IL1RAPL1: variants seen among roughly 807,000 people sequenced by gnomAD.
IL1RAPL1 encodes interleukin-1 receptor accessory protein-like 1.
In IL1RAPL1, 3 loss-of-function variants were observed where a neutral mutation model predicts 48.4. The ratio of observed to expected loss-of-function variants is 0.06; its 90% CI spans 0.03 to 0.16. IL1RAPL1 has a LOEUF of 0.16. Among genes scored for constraint, IL1RAPL1 ranks in the 10% least tolerant of loss-of-function variants. The pLI, the probability that IL1RAPL1 is intolerant of heterozygous loss-of-function variation, is 1.00. For missense variants in IL1RAPL1, 349 were observed against 530.6 expected (o/e 0.66, Z 3.36); for synonymous variants, 185 against 187.7 (o/e 0.99, Z 0.12).
chrX:28,852,773 C>G (rs1166275392), intron 2 of IL1RAPL1, among the ~76,000 whole-genome samples: 1 of 111,395 alleles, frequency 9.0e-6, no homozygotes, highest in Non-Finnish European at 1.9e-5. Context: ...ACGGCCAAAG[C>G]TTTACAGGGT....
At chrX:29,181,953 C>G (rs1930151992) in intron 2 of IL1RAPL1, among the ~76,000 whole-genome samples, 1 of 111,563 alleles carries the variant, frequency 9.0e-6, no homozygotes, top group Admixed American at 9.6e-5. Context: ...TCTTGGCAAA[C>G]AACTGCTAAA....
At chrX:28,825,721 A>G (rs1189629988) in intron 2 of IL1RAPL1, among the ~76,000 whole-genome samples, 3 of 111,467 alleles carry the variant, frequency 2.7e-5, no homozygotes, top group Non-Finnish European at 5.7e-5. Context: ...TTGAAAATGT[A>G]CTTTTGAATA....
chrX:29,178,178 C>T (rs1185338229), intron 2 of IL1RAPL1, among the ~76,000 whole-genome samples: 3 of 111,867 alleles, frequency 2.7e-5, no homozygotes, highest in Non-Finnish European at 5.6e-5. Flanking sequence ...CACTGTCTTT[C>T]ACAATGGTTG....
At chrX:28,663,068 C>A (rs189213866) in intron 1 of IL1RAPL1, among the ~76,000 whole-genome samples, 6 of 111,361 alleles carry the variant, frequency 5.4e-5, no homozygotes, top group Non-Finnish European at 1.1e-4. Context: ...AGGGAAAGAA[C>A]GAAGAAAAAA....
chrX:29,266,669 G>A (rs1435004126), intron 2 of IL1RAPL1, among the ~76,000 whole-genome samples: 3 of 111,734 alleles, frequency 2.7e-5, no homozygotes, highest in Non-Finnish European at 3.8e-5. Context: ...TTAAGTTCTA[G>A]GGACTTGCTT....
intron 5 of IL1RAPL1, among the ~76,000 whole-genome samples, chrX:29,495,056 C>A (rs1016547045): frequency 8.9e-6 from 1 of 111,963 alleles, no homozygotes; most frequent in African/African-American, 3.2e-5. Flanking sequence ...AAAACATAAA[C>A]ACTATTCTTA....
At chrX:29,829,581 A>C in intron 6 of IL1RAPL1, among the ~76,000 whole-genome samples, 1 of 111,616 alleles carries the variant, frequency 9.0e-6, no homozygotes, top group Non-Finnish European at 1.9e-5. Context: ...ACACATGACT[A>C]CAAGTTCCAA....
intron 6 of IL1RAPL1, among the ~76,000 whole-genome samples, chrX:29,725,923 A>G (rs1325326215): frequency 8.9e-6 from 1 of 112,151 alleles, no homozygotes; most frequent in Non-Finnish European, 1.9e-5. Flanking sequence ...TCATGATGAG[A>G]AATATTCTCC....
At chrX:28,907,818 T>C (rs972350243) in intron 2 of IL1RAPL1, among the ~76,000 whole-genome samples, 2 of 112,239 alleles carry the variant, frequency 1.8e-5, no homozygotes, top group Non-Finnish European at 3.8e-5. Flanking sequence ...AAGATTAATA[T>C]TTCTTCCTTA....
chrX:29,388,123 A>AAAT (rs1436279839), intron 3 of IL1RAPL1, among the ~76,000 whole-genome samples: 3 of 107,719 alleles, frequency 2.8e-5, no homozygotes, highest in Admixed American at 2.0e-4. Flanking sequence ...AAAAAAAAAA[A>AAAT]AAAAAGCAAT....
chrX:29,927,089 C>T (rs1932898118), intron 8 of IL1RAPL1, among the ~76,000 whole-genome samples: 1 of 112,088 alleles, frequency 8.9e-6, no homozygotes, highest in African/African-American at 3.2e-5. Context: ...ACCAGTGCTT[C>T]ACAAACTTTA....
At chrX:29,149,348 G>C (rs1199342724) in intron 2 of IL1RAPL1, among the ~76,000 whole-genome samples, 1 of 110,910 alleles carries the variant, frequency 9.0e-6, no homozygotes, top group Non-Finnish European at 1.9e-5. Context: ...TGAAACAACT[G>C]ATATAAAGTG....
chrX:29,135,927 G>A (rs1235253329), intron 2 of IL1RAPL1, among the ~76,000 whole-genome samples: 1 of 110,092 alleles, frequency 9.1e-6, no homozygotes, highest in Non-Finnish European at 1.9e-5. Flanking sequence ...AGTAGAGATG[G>A]GGTTTCGCCA....
intron 2 of IL1RAPL1, among the ~76,000 whole-genome samples, chrX:29,150,930 A>G (rs978068190): frequency 4.6e-5 from 5 of 108,504 alleles, no homozygotes; most frequent in African/African-American, 6.7e-5. Context: ...TCAAAAAAAA[A>G]AAAAAAGAAA....
chrX:29,481,213 T>G (rs1483030953), intron 5 of IL1RAPL1, among the ~76,000 whole-genome samples: 1 of 112,774 alleles, frequency 8.9e-6, no homozygotes, highest in African/African-American at 3.2e-5. Context: ...CTTTGAGGCT[T>G]AGTATAGAAG....
intron 6 of IL1RAPL1, among the ~76,000 whole-genome samples, chrX:29,802,929 A>G (rs1336937223): frequency 5.4e-5 from 5 of 93,391 alleles, no homozygotes; most frequent in Non-Finnish European, 1.0e-4. Context: ...ATATATACAT[A>G]TATGTGTACA....
At chrX:29,563,398 G>T (rs1217595081) in intron 5 of IL1RAPL1, among the ~76,000 whole-genome samples, 1 of 111,720 alleles carries the variant, frequency 9.0e-6, no homozygotes, top group Non-Finnish European at 1.9e-5. Context: ...CCTTAGAGAT[G>T]ATATACCTAG....
chrX:29,929,162 C>T (rs763048770), intron 8 of IL1RAPL1, among the ~76,000 whole-genome samples: 1 of 111,352 alleles, frequency 9.0e-6, no homozygotes, highest in East Asian at 2.8e-4. Context: ...TAGGAAAGCA[C>T]ACAAAGGTCA....
At chrX:28,740,338 T>G (rs192383137) in intron 1 of IL1RAPL1, among the ~76,000 whole-genome samples, 1 of 111,921 alleles carries the variant, frequency 8.9e-6, no homozygotes, top group African/African-American at 3.2e-5. Flanking sequence ...TGAGCAGAAG[T>G]TAGAATTAGC....
Sources: allele counts gnomAD v4.1 joint callset (sites outside exome capture counted in the v4.1 genomes callset), GRCh38; gene constraint gnomAD v4.1.1; transcripts MANE v1.5; gene names NCBI Gene and HGNC (gene_info 2026-07-23, HGNC 2026-07-21).